Variants in UBE3C observed in about 807,000 individuals in gnomAD.
UBE3C encodes the protein ubiquitin-protein ligase E3C.
Under a neutral mutation model 129.4 loss-of-function variants are expected in UBE3C, and 42 were observed. The observed-to-expected ratio is 0.32, with a 90% confidence interval of 0.25 to 0.42. UBE3C has a LOEUF of 0.42. UBE3C is among the 10% of genes least tolerant of loss of function. The probability of loss-of-function intolerance (pLI) is 1.00; values close to 1 mark genes in which losing one functional copy is unlikely to be tolerated. For missense variants in UBE3C, 1,049 were observed against 1,319.1 expected, an observed-to-expected ratio of 0.80 and a Z score of 3.17; for synonymous variants, 510 against 492.4, an observed-to-expected ratio of 1.04 and a Z score of -0.47.
chr7:157,197,861 G>A (rs1029660950), intron 10 of UBE3C: 14 of 1,605,380 alleles, frequency 8.7e-6, no homozygotes, highest in Admixed American at 1.7e-5. Flanking sequence ...GAACAACCGC[G>A]TTAAGTATTG....
chr7:157,214,868 C>G (rs893127607), intron 13 of UBE3C, among the ~76,000 whole-genome samples: 1 of 152,132 alleles, frequency 6.6e-6, no homozygotes, highest in Non-Finnish European at 1.5e-5. Flanking sequence ...CCAGACAGAA[C>G]TAATAATGAG....
At chr7:157,202,422 C>T (rs184469955) in intron 11 of UBE3C, among the ~76,000 whole-genome samples, 56 of 152,226 alleles carry the variant, frequency 3.7e-4, no homozygotes, top group African/African-American at 1.2e-3. Context: ...TTTGGGAGGC[C>T]GAGGCCAGCG....
intron 5 of UBE3C, among the ~76,000 whole-genome samples, chr7:157,176,324 G>A (rs1284552016): frequency 6.6e-6 from 1 of 152,114 alleles, no homozygotes; most frequent in Non-Finnish European, 1.5e-5. Context: ...ACCCAGGCTG[G>A]AATGCAGTGG....
chr7:157,148,853 G>A (rs1252057981), intron 1 of UBE3C, among the ~76,000 whole-genome samples: 3 of 148,790 alleles, frequency 2.0e-5, no homozygotes, highest in Admixed American at 6.7e-5. Flanking sequence ...GATCTCCAGC[G>A]ATTCTCCTGC....
intron 19 of UBE3C, among the ~76,000 whole-genome samples, chr7:157,250,226 A>G (rs1050694396): frequency 1.3e-5 from 2 of 151,744 alleles, no homozygotes; most frequent in Non-Finnish European, 2.9e-5. Context: ...TTGTTGTTGT[A>G]TTGTTTTGAG....
At chr7:157,183,836 A>G in intron 8 of UBE3C, 42 bp from the exon 9 acceptor site, 1 of 1,572,202 alleles carries the variant, frequency 6.4e-7, no homozygotes, top group Non-Finnish European at 8.7e-7. Flanking sequence ...TTTAAAAAAT[A>G]ATGTTTAACT....
chr7:157,223,885 A>G (rs374260046), intron 16 of UBE3C, among the ~76,000 whole-genome samples: 10 of 152,198 alleles, frequency 6.6e-5, no homozygotes, highest in African/African-American at 2.4e-4. Context: ...GTGCCAGTAC[A>G]CTCCAGCCTG....
At chr7:157,193,070 G>A (rs1163433097) in intron 10 of UBE3C, among the ~76,000 whole-genome samples, 1 of 152,178 alleles carries the variant, frequency 6.6e-6, no homozygotes, top group Non-Finnish European at 1.5e-5. Flanking sequence ...GCGCGCCTGA[G>A]TGTCTAAGGC....
At chr7:157,207,186 T>G (rs1272390059) in intron 11 of UBE3C, among the ~76,000 whole-genome samples, 1 of 152,188 alleles carries the variant, frequency 6.6e-6, no homozygotes, top group Non-Finnish European at 1.5e-5. Flanking sequence ...TTAGTGAAGA[T>G]TAATGGGTTG....
At chr7:157,163,779 C>A (rs1808139436) in intron 1 of UBE3C, 31 bp from the exon 2 acceptor site, 1 of 1,603,604 alleles carries the variant, frequency 6.2e-7, no homozygotes. Context: ...AAATTATAAC[C>A]TTACCTCCTT....
At chr7:157,210,437 C>G (rs567741176) in intron 13 of UBE3C, among the ~76,000 whole-genome samples, 2 of 152,210 alleles carry the variant, frequency 1.3e-5, no homozygotes, top group Admixed American at 6.5e-5. Context: ...AAAATACTAT[C>G]TCTATTATGA....
intron 17 of UBE3C, among the ~76,000 whole-genome samples, chr7:157,230,804 G>A (rs1170602207): frequency 2.6e-5 from 4 of 151,804 alleles, no homozygotes; most frequent in Non-Finnish European, 5.9e-5. Context: ...GCAGGTTGAG[G>A]ACAAGCTTGC....
intron 11 of UBE3C, 76 bp downstream of exon 11, chr7:157,201,883 C>G: frequency 3.9e-6 from 5 of 1,286,050 alleles, no homozygotes; most frequent in Non-Finnish European, 5.5e-6. Flanking sequence ...GTTGCCAGAA[C>G]CTGTTTTTAA....
At chr7:157,170,514 G>A (rs1808338504) in intron 4 of UBE3C, 64 bp downstream of exon 4, 1 of 1,408,288 alleles carries the variant, frequency 7.1e-7, no homozygotes, top group Non-Finnish European at 9.3e-7. Flanking sequence ...TGTTTAAAGT[G>A]GAAATGGCTT....
At chr7:157,167,686 G>A (rs1027093266) in intron 2 of UBE3C, among the ~76,000 whole-genome samples, 4 of 151,894 alleles carry the variant, frequency 2.6e-5, no homozygotes, top group African/African-American at 4.8e-5. Flanking sequence ...ATAGGCACCC[G>A]CCACCATGCC....
At chr7:157,227,027 G>A (rs148834239) in intron 17 of UBE3C, among the ~76,000 whole-genome samples, 2 of 152,218 alleles carry the variant, frequency 1.3e-5, no homozygotes, top group African/African-American at 4.8e-5. Context: ...CAGATTTCAC[G>A]TTCATCTCTC....
chr7:157,198,017 C>CA, intron 10 of UBE3C: 1 of 1,604,138 alleles, frequency 6.2e-7, no homozygotes, highest in Non-Finnish European at 8.5e-7. Flanking sequence ...TATCCCAATT[C>CA]ACTTGGCCAC....
chr7:157,175,609 G>T (rs1808496432), intron 5 of UBE3C, among the ~76,000 whole-genome samples: 1 of 152,118 alleles, frequency 6.6e-6, no homozygotes, highest in East Asian at 1.9e-4. Context: ...AAATGATCCT[G>T]AGCCTTCCAT....
chr7:157,139,948 C>G, intron 1 of UBE3C: 1 of 982,236 alleles, frequency 1.0e-6, no homozygotes, highest in Non-Finnish European at 1.2e-6. Context: ...TTATTTGCCA[C>G]CAGCCTCCTG....
Sources: gnomAD v4.1 joint callset for allele counts (sites outside exome capture counted in the v4.1 genomes callset) on GRCh38, gnomAD v4.1.1 for gene constraint, MANE v1.5 for transcripts, NCBI Gene and HGNC (gene_info 2026-07-23, HGNC 2026-07-21) for gene names.